The following TENM3 variants were observed in gnomAD, a reference collection of about 807,000 sequenced individuals.
TENM3 encodes teneurin-3.
In TENM3, 63 loss-of-function variants were observed where a neutral mutation model predicts 255.1. The observed-to-expected ratio is 0.25, with a 90% CI of 0.20 to 0.30. The LOEUF (loss-of-function observed/expected upper bound fraction) is 0.30. Ranked by LOEUF, TENM3 falls within the 10% of genes least tolerant of loss-of-function variation. The pLI is 1.00. For missense variants in TENM3, 2,929 were observed against 3,461.1 expected (o/e 0.85, Z 3.86); for synonymous variants, 1,306 against 1,322.3 (o/e 0.99, Z 0.27).
chr4:182,147,569 C>T (rs1422672564), intron 1 of TENM3, among the ~76,000 whole-genome samples: 3 of 152,022 alleles, frequency 2.0e-5, no homozygotes, highest in Non-Finnish European at 2.9e-5. Flanking sequence ...AATTGTCTGC[C>T]CTTTTCTGGA....
chr4:182,458,048 T>C (rs1335271596), intron 3 of TENM3, among the ~76,000 whole-genome samples: 1 of 152,194 alleles, frequency 6.6e-6, no homozygotes, highest in African/African-American at 2.4e-5. Flanking sequence ...TCATATTTGC[T>C]CAAGGCAAAT....
At chr4:182,050,992 T>C in the TENM3 span, among the ~76,000 whole-genome samples, 1 of 152,104 alleles carries the variant, frequency 6.6e-6, no homozygotes, top group African/African-American at 2.4e-5. Flanking sequence ...CATCTGCTCT[T>C]GGTGTGCTGA....
At chr4:182,411,206 A>T (rs1252293073) in intron 3 of TENM3, among the ~76,000 whole-genome samples, 6 of 152,216 alleles carry the variant, frequency 3.9e-5, no homozygotes, top group Non-Finnish European at 5.9e-5. Context: ...GTCAGTCACC[A>T]GGTGGACACC....
chr4:182,140,882 G>A (rs1053242580), upstream of TENM3, among the ~76,000 whole-genome samples: 15 of 152,224 alleles, frequency 9.9e-5, no homozygotes, highest in African/African-American at 3.6e-4. Context: ...CCCGCGGGGA[G>A]GCGGTGGAGC....
intron 25 of TENM3, among the ~76,000 whole-genome samples, chr4:182,790,872 G>A (rs2152827921): frequency 6.6e-6 from 1 of 152,228 alleles, no homozygotes; most frequent in East Asian, 1.9e-4. Context: ...TCATTGAGAA[G>A]AGCCGCTGTC....
the TENM3 span, among the ~76,000 whole-genome samples, chr4:181,847,784 C>G: frequency 6.6e-6 from 1 of 151,836 alleles, no homozygotes; most frequent in African/African-American, 2.4e-5. Flanking sequence ...ACTTTCCAAG[C>G]TTGTATATTA....
chr4:182,655,999 C>G (rs1424251575), intron 6 of TENM3, among the ~76,000 whole-genome samples: 1 of 152,180 alleles, frequency 6.6e-6, no homozygotes, highest in South Asian at 2.1e-4. Context: ...ATATTGTGCT[C>G]TGTAATTTCA....
chr4:181,874,363 T>A, the TENM3 span: 1 of 152,252 alleles, frequency 6.6e-6, no homozygotes, highest in Non-Finnish European at 1.5e-5. Flanking sequence ...TTTGTCAATT[T>A]CCCTTTTTTC....
chr4:181,843,335 T>G, the TENM3 span, among the ~76,000 whole-genome samples: 1 of 152,336 alleles, frequency 6.6e-6, no homozygotes, highest in Non-Finnish European at 1.5e-5. Flanking sequence ...AACTTAGGGT[T>G]GAAACATAGT....
chr4:181,873,406 T>G, the TENM3 span, among the ~76,000 whole-genome samples: 2 of 152,158 alleles, frequency 1.3e-5, no homozygotes, highest in Non-Finnish European at 2.9e-5. Flanking sequence ...TTTCCTTGAA[T>G]CTCTGCTTTA....
chr4:182,223,240 A>G (rs977485817), intron 1 of TENM3, among the ~76,000 whole-genome samples: 2 of 152,146 alleles, frequency 1.3e-5, no homozygotes, highest in African/African-American at 2.4e-5. Context: ...GTATCTGTCT[A>G]CTCCTACCTC....
chr4:181,854,039 TA>T, the TENM3 span, among the ~76,000 whole-genome samples: 1 of 152,222 alleles, frequency 6.6e-6, no homozygotes, highest in African/African-American at 2.4e-5. Flanking sequence ...TGGTTCTTAA[TA>T]AGGGCTTTTA....
At chr4:182,172,966 T>C (rs13148319) in intron 1 of TENM3, among the ~76,000 whole-genome samples, 58,033 of 152,040 alleles carry the variant, frequency 0.38, 11,308 homozygotes, top group Middle Eastern at 0.46. Context: ...ACATGAGCAG[T>C]TGACTTGACT....
At chr4:182,230,965 G>A (rs1336962932) in intron 1 of TENM3, among the ~76,000 whole-genome samples, 6 of 150,758 alleles carry the variant, frequency 4.0e-5, no homozygotes, top group Non-Finnish European at 8.9e-5. Flanking sequence ...ACCAACAAGT[G>A]TCTCTCCTGG....
chr4:181,831,969 TG>T, the TENM3 span, among the ~76,000 whole-genome samples: 1 of 1,582 alleles, frequency 6.3e-4, no homozygotes, highest in African/African-American at 1.2e-3. Flanking sequence ...TATATTACAT[TG>T]TGTGTGTGTG....
chr4:182,608,309 A>C (rs1236980697), intron 4 of TENM3, among the ~76,000 whole-genome samples: 1 of 152,080 alleles, frequency 6.6e-6, no homozygotes, highest in Non-Finnish European at 1.5e-5. Context: ...GCTAGAGTGC[A>C]TTGGCACAAT....
chr4:182,276,259 C>G (rs769426300), intron 1 of TENM3, among the ~76,000 whole-genome samples: 1 of 152,164 alleles, frequency 6.6e-6, no homozygotes, highest in Non-Finnish European at 1.5e-5. Context: ...TTGCCCTTTA[C>G]GGTCAAACCA....
chr4:182,560,215 A>G (rs1009237258), intron 3 of TENM3, among the ~76,000 whole-genome samples: 1 of 152,110 alleles, frequency 6.6e-6, no homozygotes, highest in African/African-American at 2.4e-5. Context: ...AAAGTAGTTT[A>G]ATGCAAACAC....
the TENM3 span, among the ~76,000 whole-genome samples, chr4:181,552,865 G>A: frequency 6.6e-6 from 1 of 152,206 alleles, no homozygotes; most frequent in Admixed American, 6.5e-5. Flanking sequence ...TTTACAAGAA[G>A]TTTGCTAATT....
Sources: allele counts gnomAD v4.1 joint callset (sites outside exome capture counted in the v4.1 genomes callset), GRCh38; gene constraint gnomAD v4.1.1; transcripts MANE v1.5; gene names NCBI Gene and HGNC (gene_info 2026-07-23, HGNC 2026-07-21).